The following PGM1 variants were observed in gnomAD, a reference collection of about 807,000 sequenced individuals.
The protein encoded by PGM1 is phosphoglucomutase-1.
Under a neutral mutation model 55.6 loss-of-function variants are expected in PGM1, and 52 were observed. The ratio of observed to expected loss-of-function variants is 0.94; its 90% CI spans 0.75 to 1.18. The LOEUF (loss-of-function observed/expected upper bound fraction) is 1.18, where lower values mean the gene tolerates loss of function less well. PGM1 is among the 50% of genes most tolerant of loss of function. PGM1 has a pLI of 0.00. For missense variants in PGM1, 724 were observed against 729.3 expected (o/e 0.99, Z 0.08); for synonymous variants, 287 against 271.7 (o/e 1.06, Z -0.55).
At chr1:63,646,997 C>T (rs1649661432) in intron 7 of PGM1, among the ~76,000 whole-genome samples, 1 of 151,878 alleles carries the variant, frequency 6.6e-6, no homozygotes. Context: ...AATCCTAGCA[C>T]TTTGGGAGGC....
At chr1:63,638,593 C>G (rs770812751) in intron 6 of PGM1, 92 bp from the exon 7 acceptor site, 3 of 848,300 alleles carry the variant, frequency 3.5e-6, no homozygotes, top group African/African-American at 3.3e-5. Flanking sequence ...AAATGGGACC[C>G]TTGATTACAA....
At chr1:63,627,929 CA>C (rs1649081196) in intron 1 of PGM1, among the ~76,000 whole-genome samples, 1 of 152,142 alleles carries the variant, frequency 6.6e-6, no homozygotes, top group South Asian at 2.1e-4. Context: ...TACTTTCCCC[CA>C]CCATGGCCGC....
At chr1:63,629,637 A>G (rs1283260480) in intron 2 of PGM1, 50 bp downstream of exon 2, 2 of 1,556,416 alleles carry the variant, frequency 1.3e-6, no homozygotes, top group Admixed American at 3.3e-5. Flanking sequence ...TCAGTAGGAC[A>G]AATCAATACC....
chr1:63,609,990 C>T (rs1370234150), intron 1 of PGM1, among the ~76,000 whole-genome samples: 1 of 152,208 alleles, frequency 6.6e-6, no homozygotes, highest in Admixed American at 6.5e-5. Flanking sequence ...AATTTTACCA[C>T]ATAACCTCAG....
At chr1:63,638,611 T>C (rs1188710641) in intron 6 of PGM1, 74 bp from the exon 7 acceptor site, 1 of 906,922 alleles carries the variant, frequency 1.1e-6, no homozygotes, top group African/African-American at 1.6e-5. Flanking sequence ...CAATAACGAT[T>C]GCCCTTTTCC....
In PGM1 at chr1:63,638,794, G is replaced by A. The variant is rs751081628; in HGVS notation, c.1138G>A (p.Gly380Arg). 10 of 1,610,512 alleles carry A rather than the reference G, an allele frequency of 6.2e-6. No individual in the cohort carries two copies. The highest frequency in any genetic ancestry group is 4.5e-5 in the East Asian group (2 of 44,866). The change falls in exon 7 of 11, where the codon GGG (glycine) becomes AGG (arginine). Residue 380 changes from glycine (G) to arginine (R), a missense_variant. By Grantham distance (125) the Gly-to-Arg change is moderately radical. This residue lies in a region of PGM1 where 316 missense variants were observed against 313.1 expected (regional missense o/e 1.01). Transcript: ENST00000371084. Reference protein sequence around the residue: ...KLSLCGEESFGTGSDHIREKD... With the variant: ...KLSLCGEESFRTGSDHIREKD... Reference sequence around the variant, plus strand: ...GTCCCTTTGTGGGGAGGAGAGCTTCGGGACCGGTAAGTCACACTCCTGTGC... The same window carrying A: ...GTCCCTTTGTGGGGAGGAGAGCTTCAGGACCGGTAAGTCACACTCCTGTGC...
chr1:63,636,323 G>C lies in PGM1; in HGVS notation c.963G>C (p.Pro321=). 1 of 1,614,094 alleles carries C rather than the reference G, an allele frequency of 6.2e-7. No individual in the cohort carries two copies. Among genetic ancestry groups the C allele is most frequent in the Non-Finnish European group, 8.5e-7 (1 of 1,179,982 alleles). The part of the protein sequence containing the change: ...AVIAANIFSI[P]YFQQTGVRGF... ...TTGCTGCCAACATCTTCAGCATTCC[G>C]TATTTCCAGCAGACTGGGGTCCGCG... Residue 321 remains proline (P), a synonymous_variant, in exon 6 of 11, where the codon CCG becomes CCC. Coordinates refer to ENST00000371084, the MANE Select transcript of PGM1 (RefSeq NM_002633.3).
At chr1:63,607,862 T>C (rs1199303336) in intron 1 of PGM1, among the ~76,000 whole-genome samples, 1 of 152,168 alleles carries the variant, frequency 6.6e-6, no homozygotes, top group Admixed American at 6.5e-5. Context: ...TATTTTATAG[T>C]CATGCCTCAT....
chr1:63,596,821 T>G (rs953630878), intron 1 of PGM1, among the ~76,000 whole-genome samples: 8 of 152,194 alleles, frequency 5.3e-5, no homozygotes, highest in Admixed American at 2.6e-4. Flanking sequence ...AGAGTAAGCT[T>G]CTTTAAGTCA....
At chr1:63,618,045 T>C (rs958332686) in intron 1 of PGM1, among the ~76,000 whole-genome samples, 2 of 152,228 alleles carry the variant, frequency 1.3e-5, no homozygotes, top group African/African-American at 4.8e-5. Context: ...GTACAGGGCA[T>C]ACTATAGCCA....
intron 1 of PGM1, among the ~76,000 whole-genome samples, chr1:63,597,359 A>G (rs1443536335): frequency 6.6e-6 from 1 of 152,232 alleles, no homozygotes; most frequent in Non-Finnish European, 1.5e-5. Flanking sequence ...AAGGTTGGGA[A>G]TAATACATAC....
In PGM1 at chr1:63,630,215, G is replaced by GTGTT. The variant is rs949704150; in HGVS notation, c.556+128_556+131dup. The GTGTT allele has an allele frequency of 4.3e-5, 43 of 993,464 alleles. No homozygotes were observed. In the Admixed American group the frequency reaches 6.6e-4, roughly 15 times the overall value. 61.5% of individuals were successfully genotyped at this position (993,464 alleles called of 1,614,324 possible). On this transcript the variant is annotated intron_variant, in intron 3 of 10. Transcript: ENST00000371084. ...CGTGAGTGCTCTGTAAGCTTTGCAA[G>GTGTT]TGTTAGTTAATTAACAAGTCTGGAA... is the stretch of plus-strand genomic sequence containing the variant.
intron 7 of PGM1, among the ~76,000 whole-genome samples, chr1:63,639,979 A>G (rs1557437819): frequency 6.6e-6 from 1 of 152,244 alleles, no homozygotes; most frequent in Non-Finnish European, 1.5e-5. Flanking sequence ...AACTTCCACA[A>G]CAAAGGCTAG....
chr1:63,644,215 A>G (rs539152287), intron 7 of PGM1, among the ~76,000 whole-genome samples: 5 of 152,376 alleles, frequency 3.3e-5, no homozygotes, highest in Admixed American at 6.5e-5. Flanking sequence ...AGGCCGAAGT[A>G]AAGTGACAGG....
intron 1 of PGM1, 29 bp downstream of exon 1, chr1:63,593,763 T>A: frequency 6.4e-7 from 1 of 1,566,040 alleles, no homozygotes; most frequent in Non-Finnish European, 8.6e-7. Context: ...CGCGCCGCTG[T>A]GCACCCTGGC....
chr1:63,643,228 A>G (rs535329016), intron 7 of PGM1, among the ~76,000 whole-genome samples: 3 of 151,994 alleles, frequency 2.0e-5, no homozygotes, highest in East Asian at 1.9e-4. Flanking sequence ...ATTATAACTC[A>G]CTCATTTAAA....
intron 4 of PGM1, among the ~76,000 whole-genome samples, chr1:63,634,530 G>C (rs1649309360): frequency 6.6e-6 from 1 of 152,144 alleles, no homozygotes; most frequent in Non-Finnish European, 1.5e-5. Flanking sequence ...GACTGAATGG[G>C]AAAGCACAGG....
chr1:63,612,280 T>A (rs1648589339), intron 1 of PGM1, among the ~76,000 whole-genome samples: 1 of 151,664 alleles, frequency 6.6e-6, no homozygotes, highest in African/African-American at 2.4e-5. Context: ...GCTCTATCAG[T>A]TTGCTCTGAC....
chr1:63,627,400 G>A (rs1649054004), intron 1 of PGM1, among the ~76,000 whole-genome samples: 1 of 152,086 alleles, frequency 6.6e-6, no homozygotes, highest in African/African-American at 2.4e-5. Flanking sequence ...CAGAGGCAGG[G>A]GAGATTGAGT....
Sources: gnomAD v4.1 joint callset for allele counts (sites outside exome capture counted in the v4.1 genomes callset) on GRCh38, gnomAD v4.1.1 for gene constraint, gnomAD v4.1.1 regional missense constraint, MANE v1.5 for transcripts, NCBI Gene and HGNC (gene_info 2026-07-23, HGNC 2026-07-21) for gene names.